KANSL1L: variants seen among roughly 807,000 people sequenced by gnomAD.
KANSL1L encodes KAT8 regulatory NSL complex subunit 1 like.
A neutral mutation model predicts 108.6 loss-of-function variants in KANSL1L; 25 were observed. The observed-to-expected ratio is 0.23, with a 90% CI of 0.17 to 0.32. The LOEUF is 0.32. KANSL1L is among the 10% of genes least tolerant of loss of function. The probability of loss-of-function intolerance (pLI) is 1.00; values close to 1 mark genes in which losing one functional copy is unlikely to be tolerated. For missense variants in KANSL1L, 1,137 were observed against 1,125.7 expected, an observed-to-expected ratio of 1.01 and a Z score of -0.14; for synonymous variants, 405 against 395.1, an observed-to-expected ratio of 1.03 and a Z score of -0.30.
chr2:210,034,456 G>T (rs1448570365), intron 8 of KANSL1L, among the ~76,000 whole-genome samples: 1 of 152,166 alleles, frequency 6.6e-6, no homozygotes, highest in African/African-American at 2.4e-5. Context: ...GAGTAAGGAA[G>T]CATGGTGAGA....
At position 210,154,557 on chromosome 2, in the gene KANSL1L, G is replaced by C; in HGVS notation, c.26C>G (p.Thr9Arg). 1 of 1,541,502 alleles carries C rather than the reference G, an allele frequency of 6.5e-7. No individual in the cohort carries two copies. Among genetic ancestry groups the C allele is most frequent in the Non-Finnish European group, 8.7e-7 (1 of 1,143,842 alleles). ...AGATGAAAAGCTGATACCCTTTGCT[G>C]TTGCCTCCCTCAGAGCTGGGGTCAT... MTPALREATAKGISFSSLP... is the reference protein window; with the variant it reads MTPALREARAKGISFSSLP... The change falls in exon 2 of 15, where the codon ACA becomes AGA. Residue 9 changes from threonine (T) to arginine (R), a missense_variant. Thr to Arg is a moderately conservative substitution (Grantham distance 71). Coordinates refer to ENST00000281772, the MANE Select transcript of KANSL1L (RefSeq NM_152519.4).
chr2:210,104,425 G>A (rs1170924183), intron 3 of KANSL1L, 124 bp from the exon 4 acceptor site: 2 of 685,544 alleles, frequency 2.9e-6, no homozygotes, highest in Non-Finnish European at 4.9e-6. Flanking sequence ...ATATAAACTT[G>A]ATAGTTTAAC....
rs145571500 is a variant in KANSL1L, at chr2:210,098,716, C to A, written c.1429-509G>T. ...AGAAAAAAAGATTAAGTAGCTTGATCAAGGGCTATAAAGCTGGTATGAAAT... is the reference window on the plus strand; with the variant it reads ...AGAAAAAAAGATTAAGTAGCTTGATAAAGGGCTATAAAGCTGGTATGAAAT... On this transcript the variant is annotated intron_variant, in intron 4 of 14. Transcript: ENST00000281772. Among the ~76,000 whole-genome samples the A allele has an allele frequency of 1.5e-4, 23 of 152,090 alleles. No homozygotes were observed. The East Asian group carries it at 4.4e-3, about 29-fold the overall frequency.
At chr2:210,106,818 T>A (rs1280757219) in intron 3 of KANSL1L, among the ~76,000 whole-genome samples, 1 of 151,458 alleles carries the variant, frequency 6.6e-6, no homozygotes, top group Non-Finnish European at 1.5e-5. Context: ...GTCAACTTCA[T>A]AATCTGTTTT....
chr2:210,066,273 A>G (rs1360845742), intron 6 of KANSL1L, among the ~76,000 whole-genome samples: 1 of 152,228 alleles, frequency 6.6e-6, no homozygotes, highest in African/African-American at 2.4e-5. Context: ...AACCCCAGTC[A>G]CAATCTTACT....
chr2:210,139,973 G>A (rs1412945512), intron 2 of KANSL1L, among the ~76,000 whole-genome samples: 1 of 151,150 alleles, frequency 6.6e-6, no homozygotes, highest in Non-Finnish European at 1.5e-5. Context: ...AAATTCCTGA[G>A]CTCAAGCGAT....
intron 3 of KANSL1L, among the ~76,000 whole-genome samples, chr2:210,115,252 T>C (rs895865272): frequency 6.6e-6 from 1 of 152,070 alleles, no homozygotes; most frequent in Non-Finnish European, 1.5e-5. Flanking sequence ...AAAAATTATA[T>C]ACAATATCAG....
chr2:210,131,710 T>C (rs2095121975), intron 2 of KANSL1L, among the ~76,000 whole-genome samples: 1 of 137,250 alleles, frequency 7.3e-6, no homozygotes, highest in South Asian at 2.2e-4. Context: ...ATAAATTTTC[T>C]TTTTTTTTTT....
At chr2:210,064,511 GCTCT>G (rs2094448904) in intron 6 of KANSL1L, among the ~76,000 whole-genome samples, 1 of 151,774 alleles carries the variant, frequency 6.6e-6, no homozygotes, top group Non-Finnish European at 1.5e-5. Context: ...CCATCTTACT[GCTCT>G]AGTAGAAAAA....
At chr2:210,058,429 C>T (rs2094380697) in intron 6 of KANSL1L, among the ~76,000 whole-genome samples, 1 of 152,160 alleles carries the variant, frequency 6.6e-6, no homozygotes, top group Non-Finnish European at 1.5e-5. Context: ...TGTGATCTCG[C>T]CCTGCCTCCA....
intron 2 of KANSL1L, 65 bp downstream of exon 2, chr2:210,153,430 G>A (rs2095315691): frequency 2.4e-6 from 3 of 1,241,896 alleles, no homozygotes; most frequent in South Asian, 2.6e-5. Context: ...CAACATACCT[G>A]GAAACTAAGA....
At chr2:210,123,289 C>G (rs955962755) in intron 3 of KANSL1L, among the ~76,000 whole-genome samples, 3 of 152,048 alleles carry the variant, frequency 2.0e-5, no homozygotes, top group African/African-American at 7.2e-5. Context: ...AAGTGTCCAT[C>G]AACAGACAAA....
intron 6 of KANSL1L, among the ~76,000 whole-genome samples, chr2:210,072,596 C>T (rs1367355250): frequency 6.6e-6 from 1 of 152,164 alleles, no homozygotes; most frequent in Non-Finnish European, 1.5e-5. Context: ...GCTTTAGATT[C>T]TCATAAGGAG....
At chr2:210,146,173 G>A (rs1448816905) in intron 2 of KANSL1L, among the ~76,000 whole-genome samples, 3 of 152,130 alleles carry the variant, frequency 2.0e-5, no homozygotes, top group Admixed American at 2.0e-4. Flanking sequence ...GCCATCTCCA[G>A]ATGTCTCAGG....
intron 1 of KANSL1L, among the ~76,000 whole-genome samples, chr2:210,157,007 A>G (rs531700532): frequency 2.0e-5 from 3 of 152,154 alleles, no homozygotes; most frequent in African/African-American, 7.2e-5. Context: ...AAGAAAAAAA[A>G]GATGGTTTTT....
intron 4 of KANSL1L, among the ~76,000 whole-genome samples, chr2:210,101,056 T>A (rs1351259114): frequency 6.6e-6 from 1 of 152,242 alleles, no homozygotes; most frequent in Non-Finnish European, 1.5e-5. Flanking sequence ...CTACAAGTAA[T>A]TGCTGCTGCC....
chr2:210,162,354 C>T (rs2125676168), intron 1 of KANSL1L, among the ~76,000 whole-genome samples: 1 of 151,140 alleles, frequency 6.6e-6, no homozygotes, highest in East Asian at 1.9e-4. Flanking sequence ...AGGATGACTC[C>T]TAGGTTTTTA....
chr2:210,111,618 T>G (rs1256899635), intron 3 of KANSL1L, among the ~76,000 whole-genome samples: 1 of 152,216 alleles, frequency 6.6e-6, no homozygotes, highest in Non-Finnish European at 1.5e-5. Context: ...GTTAAAAATG[T>G]GTACTCTGAG....
chr2:210,098,257 T>A, intron 4 of KANSL1L, 50 bp from the exon 5 acceptor site: 4 of 1,585,630 alleles, frequency 2.5e-6, no homozygotes, highest in Non-Finnish European at 3.4e-6. Flanking sequence ...GAAATGTGAG[T>A]TAAAGCTCAG....
Sources: allele counts gnomAD v4.1 joint callset (sites outside exome capture counted in the v4.1 genomes callset), GRCh38; gene constraint gnomAD v4.1.1; transcripts MANE v1.5; gene names NCBI Gene and HGNC (gene_info 2026-07-23, HGNC 2026-07-21).